Variants in NUP210L observed in about 807,000 individuals in gnomAD.
NUP210L encodes the protein nuclear pore membrane glycoprotein 210-like.
Under a neutral mutation model 208.5 loss-of-function variants are expected in NUP210L, and 74 were observed. The ratio of observed to expected loss-of-function variants is 0.35; its 90% CI spans 0.29 to 0.43. NUP210L has a LOEUF of 0.43. NUP210L is among the 20% of genes least tolerant of loss of function. NUP210L has a pLI of 1.00. For synonymous variants in NUP210L, 780 were observed against 816.9 expected (o/e 0.95, Z 0.77); for missense variants, 1,843 against 2,289.4 (o/e 0.81, Z 3.98).
chr1:154,026,949 G>A (rs1651910635), intron 29 of NUP210L, among the ~76,000 whole-genome samples: 1 of 151,672 alleles, frequency 6.6e-6, no homozygotes, highest in Non-Finnish European at 1.5e-5. Flanking sequence ...CAGGTGTGGT[G>A]GCAGGCACCT....
intron 35 of NUP210L, among the ~76,000 whole-genome samples, chr1:154,006,946 GTATA>G (rs1553219854): frequency 2.1e-5 from 2 of 95,444 alleles, no homozygotes; most frequent in African/African-American, 7.9e-5. Flanking sequence ...GTGTGTGTGT[GTATA>G]TATATATATA....
chr1:154,071,448 A>C, intron 16 of NUP210L, among the ~76,000 whole-genome samples: 2 of 146,034 alleles, frequency 1.4e-5, no homozygotes, highest in Non-Finnish European at 3.0e-5. Flanking sequence ...ACCCCCCTCC[A>C]CCTTTCCCCC....
intron 19 of NUP210L, 65 bp from the exon 20 acceptor site, chr1:154,060,706 A>C: frequency 9.4e-7 from 1 of 1,061,194 alleles, no homozygotes; most frequent in Non-Finnish European, 1.4e-6. Context: ...AAAGGAAATA[A>C]TTTCTACCTA....
chr1:154,042,945 CAA>C (rs1460958321), intron 27 of NUP210L, among the ~76,000 whole-genome samples: 3 of 147,242 alleles, frequency 2.0e-5, no homozygotes, highest in Non-Finnish European at 4.5e-5. Flanking sequence ...CTCCTGGGCT[CAA>C]GTGACGCACC....
intron 32 of NUP210L, among the ~76,000 whole-genome samples, chr1:154,019,552 T>G (rs1459578833): frequency 6.6e-6 from 1 of 152,172 alleles, no homozygotes; most frequent in Non-Finnish European, 1.5e-5. Flanking sequence ...ATATGGCTCT[T>G]TCCTTCATCA....
chr1:154,134,104 C>T (rs369496020), intron 7 of NUP210L, among the ~76,000 whole-genome samples: 7 of 147,918 alleles, frequency 4.7e-5, no homozygotes, highest in African/African-American at 1.5e-4. Flanking sequence ...GAGCAGAAAT[C>T]GCGCCACTGC....
In NUP210L at chr1:154,110,698, G is replaced by T. The variant is rs187295622; in HGVS notation, c.1621-6488C>A. Among the ~76,000 whole-genome samples the T allele has an allele frequency of 4.0e-4, 60 of 151,470 alleles. 1 individual carries two copies. The East Asian group carries it at 0.011, about 29-fold the overall frequency. On this transcript the variant is annotated intron_variant, in intron 12 of 39. Transcript: ENST00000368559. ...GTTCAAGACCAGCCTGAACAACATG[G>T]TGAAACCTTGTCTCTACAAAAAATA...
chr1:154,041,242 G>A (rs1399134765), intron 27 of NUP210L, among the ~76,000 whole-genome samples: 1 of 152,114 alleles, frequency 6.6e-6, no homozygotes, highest in African/African-American at 2.4e-5. Flanking sequence ...TGGGGTAACA[G>A]GCGTGAGCCA....
At chr1:154,100,938 C>T (rs923231879) in intron 13 of NUP210L, among the ~76,000 whole-genome samples, 2 of 151,466 alleles carry the variant, frequency 1.3e-5, no homozygotes, top group African/African-American at 2.4e-5. Flanking sequence ...TTTGGAAGGC[C>T]GAGGCGGGTG....
intron 2 of NUP210L, among the ~76,000 whole-genome samples, chr1:154,150,358 A>G (rs1659319883): frequency 6.6e-6 from 1 of 151,862 alleles, no homozygotes; most frequent in Non-Finnish European, 1.5e-5. Flanking sequence ...TCTCACCTCA[A>G]GTCTATCCAT....
At chr1:154,088,690 A>G (rs1004513696) in intron 16 of NUP210L, among the ~76,000 whole-genome samples, 5 of 152,184 alleles carry the variant, frequency 3.3e-5, no homozygotes, top group African/African-American at 1.2e-4. Context: ...TTGGAGTCAG[A>G]CAGAATGTGT....
intron 16 of NUP210L, among the ~76,000 whole-genome samples, chr1:154,074,680 C>T (rs1037157233): frequency 6.6e-6 from 1 of 152,024 alleles, no homozygotes; most frequent in Non-Finnish European, 1.5e-5. Flanking sequence ...TTAGTAGAGA[C>T]GGGGTTTCAC....
At chr1:154,030,692 G>T (rs148246505) in intron 27 of NUP210L, among the ~76,000 whole-genome samples, 4 of 152,094 alleles carry the variant, frequency 2.6e-5, no homozygotes, top group African/African-American at 9.7e-5. Context: ...ATCAGGGTAA[G>T]TGGGGTATGC....
intron 30 of NUP210L, among the ~76,000 whole-genome samples, chr1:154,025,208 G>A (rs146954548): frequency 0.012 from 1,778 of 152,172 alleles, 16 homozygotes; most frequent in Admixed American, 0.019. Flanking sequence ...GATTACAGGC[G>A]TGAGCCACCG....
At chr1:154,086,671 G>T (rs1655642504) in intron 16 of NUP210L, among the ~76,000 whole-genome samples, 1 of 151,876 alleles carries the variant, frequency 6.6e-6, no homozygotes, top group African/African-American at 2.4e-5. Flanking sequence ...AATTAGCTGG[G>T]TATGGTGGCA....
At chr1:154,006,982 T>TTA (rs1347693222) in intron 35 of NUP210L, among the ~76,000 whole-genome samples, 2 of 129,516 alleles carry the variant, frequency 1.5e-5, no homozygotes, top group East Asian at 4.4e-4. Flanking sequence ...TTTTTTTTTT[T>TTA]AAATGGAGTT....
At chr1:154,128,631 G>A (rs1216827492) in intron 8 of NUP210L, among the ~76,000 whole-genome samples, 4 of 152,032 alleles carry the variant, frequency 2.6e-5, no homozygotes, top group Non-Finnish European at 2.9e-5. Context: ...AGAGCAAATC[G>A]CTTGAGCTCA....
chr1:154,127,765 G>A (rs1441391424), intron 8 of NUP210L, among the ~76,000 whole-genome samples: 3 of 152,052 alleles, frequency 2.0e-5, no homozygotes, highest in African/African-American at 7.2e-5. Context: ...ATGTTGGCCA[G>A]GCTGGTCTCA....
intron 15 of NUP210L, among the ~76,000 whole-genome samples, chr1:154,091,501 CTTT>C (rs772608860): frequency 2.4e-5 from 3 of 124,626 alleles, no homozygotes; most frequent in Non-Finnish European, 3.3e-5. Flanking sequence ...CTTTTCTTTT[CTTT>C]TTTTTTTTTT....
Sources: gnomAD v4.1 joint callset for allele counts (sites outside exome capture counted in the v4.1 genomes callset) on GRCh38, gnomAD v4.1.1 for gene constraint, MANE v1.5 for transcripts, NCBI Gene and HGNC (gene_info 2026-07-23, HGNC 2026-07-21) for gene names.